ZNF469: variants seen among roughly 807,000 people sequenced by gnomAD.
The protein encoded by ZNF469 is zinc finger protein 469.
In ZNF469, 1 loss-of-function variant was observed where a neutral mutation model predicts 1.0. That is an observed-to-expected ratio of 1.00 (90% CI 0.35 to 4.73). ZNF469 has a LOEUF of 4.73. Ranked by LOEUF, ZNF469 falls within the 30% of genes most tolerant of loss-of-function variation. The pLI is 0.16. For missense variants in ZNF469, 6,100 were observed against 5,356.3 expected (o/e 1.14, Z -4.33); for synonymous variants, 2,703 against 2,363.4 (o/e 1.14, Z -4.17).
the ZNF469 span, among the ~76,000 whole-genome samples, chr16:88,292,179 T>C: frequency 6.6e-6 from 1 of 151,870 alleles, no homozygotes; most frequent in East Asian, 1.9e-4. Context: ...GGCCCTGGAG[T>C]CACCTGCAGT....
the ZNF469 span, among the ~76,000 whole-genome samples, chr16:88,211,528 G>C: frequency 1.3e-5 from 2 of 151,948 alleles, no homozygotes; most frequent in Non-Finnish European, 2.9e-5. Flanking sequence ...ACATGGTATA[G>C]ACCCTGGGTC....
chr16:88,133,100 C>G, the ZNF469 span, among the ~76,000 whole-genome samples: 1 of 152,222 alleles, frequency 6.6e-6, no homozygotes, highest in Admixed American at 6.5e-5. Flanking sequence ...CGTAGCTTTG[C>G]GGGAGAGCAC....
the ZNF469 span, among the ~76,000 whole-genome samples, chr16:88,170,868 T>TC: frequency 6.6e-6 from 1 of 151,930 alleles, no homozygotes; most frequent in Non-Finnish European, 1.5e-5. This position sits in a 1 kb window ranked among gnomAD's most constrained non-coding sequence, Gnocchi z 4.2. Context: ...TAACTGACTT[T>TC]CCCTCCAACC....
chr16:88,116,811 G>A, the ZNF469 span, among the ~76,000 whole-genome samples: 3 of 152,214 alleles, frequency 2.0e-5, no homozygotes, highest in South Asian at 2.1e-4. Context: ...GCCAGGGCTG[G>A]GGACTGTGGG....
At chr16:88,360,322 G>C in the ZNF469 span, among the ~76,000 whole-genome samples, 1 of 152,164 alleles carries the variant, frequency 6.6e-6, no homozygotes, top group Non-Finnish European at 1.5e-5. Context: ...GCCTGGCCTT[G>C]ACTTTCTTTT....
chr16:88,185,865 A>C, the ZNF469 span, among the ~76,000 whole-genome samples: 175 of 152,052 alleles, frequency 1.2e-3, 3 homozygotes, highest in East Asian at 9.7e-4. Flanking sequence ...TCACACGTGA[A>C]TATAGTATAT....
In ZNF469 at chr16:88,437,326, G is replaced by C; in HGVS notation, c.9856G>C (p.Ala3286Pro). Residue 3286 changes from alanine (A) to proline (P), a missense_variant, in exon 3 of 3, where the codon GCG becomes CCG. Physicochemically the swap from Ala to Pro is conservative, Grantham distance 27 (BLOSUM62 -1). Transcript: ENST00000565624. ...CACCCCCAGCAACCCAGACGGGGCC[G>C]CGACCCCAGACAGCGCCTCTGCCAC... Reference protein sequence around the residue: ...RSTPSNPDGAATPDSASATAL... With the variant: ...RSTPSNPDGAPTPDSASATAL... 6.5e-7 allele frequency: 1 copy of C among 1,546,872 alleles called. No homozygotes were observed.
In ZNF469 at chr16:88,439,573, C is replaced by T; in HGVS notation, c.*241C>T. 1.8e-6 allele frequency: 1 copy of T among 562,420 alleles called. No individual in the cohort carries two copies. Among genetic ancestry groups the T allele is most frequent in the Non-Finnish European group, 3.2e-6 (1 of 314,494 alleles). The allele number at this position is 562,420 out of a possible 1,614,324, so 34.8% of individuals were successfully genotyped here. ...GGGGCCACTGCAGCCCTTTTGAGAC[C>T]ACACAGCTGTTTTCTTGGTACCAAG... On this transcript the variant is annotated 3_prime_UTR_variant, in exon 3 of 3. Transcript: ENST00000565624.
the ZNF469 span, among the ~76,000 whole-genome samples, chr16:88,190,319 G>C: frequency 1.3e-5 from 2 of 152,266 alleles, no homozygotes; most frequent in African/African-American, 2.4e-5. Context: ...CTTGGCACTT[G>C]CCTGGGTAGT....
At chr16:88,381,241 C>T (rs2092523717), upstream of ZNF469, among the ~76,000 whole-genome samples, 1 of 150,526 alleles carries the variant, frequency 6.6e-6, no homozygotes, top group South Asian at 2.1e-4. Context: ...CACGCACTCA[C>T]AGACATGCAC....
At chr16:88,201,516 CT>C in the ZNF469 span, among the ~76,000 whole-genome samples, 4 of 152,016 alleles carry the variant, frequency 2.6e-5, no homozygotes, top group East Asian at 7.7e-4. The surrounding 1 kb of genome is among the most constrained non-coding windows in gnomAD (Gnocchi z 5.0). Flanking sequence ...GATTGTGCCA[CT>C]GCACTCCAGC....
chr16:88,405,132 G>A (rs1904991642), intron 1 of ZNF469, among the ~76,000 whole-genome samples: 1 of 152,128 alleles, frequency 6.6e-6, no homozygotes, highest in South Asian at 2.1e-4. Context: ...GAGATTGGTG[G>A]TGGACAGGCA....
the ZNF469 span, among the ~76,000 whole-genome samples, chr16:88,240,885 C>G: frequency 6.6e-6 from 1 of 152,170 alleles, no homozygotes; most frequent in African/African-American, 2.4e-5. Flanking sequence ...GCCTGCACCG[C>G]CAGCCCTCTC....
At chr16:88,246,087 GC>G in the ZNF469 span, among the ~76,000 whole-genome samples, 2 of 152,270 alleles carry the variant, frequency 1.3e-5, no homozygotes, top group African/African-American at 4.8e-5. Flanking sequence ...ATCAGCTCTG[GC>G]CCCAAGCCCC....
rs773264104 is a variant in ZNF469, at chr16:88,437,648, G to A, written c.10178G>A (p.Arg3393Gln). The A allele has an allele frequency of 7.1e-6, 11 of 1,544,314 alleles. No homozygotes were observed. Among genetic ancestry groups the A allele is most frequent in the South Asian group, 6.0e-5 (5 of 83,846 alleles). ...HLGGAHGLLE[R>Q]PELQHTPLYA... is the part of the protein sequence containing the mutation. ...GGCGGGGCGCACGGGCTGCTGGAGCGGCCGGAGCTGCAGCACACGCCGCTG... is the reference window on the plus strand; with the variant it reads ...GGCGGGGCGCACGGGCTGCTGGAGCAGCCGGAGCTGCAGCACACGCCGCTG... Residue 3393 changes from arginine to glutamine, a missense_variant, in exon 3 of 3, where the codon CGG (arginine) becomes CAG (glutamine). Physicochemically the swap from Arg to Gln is conservative, Grantham distance 43 (BLOSUM62 1). Coordinates refer to ENST00000565624, the MANE Select transcript of ZNF469 (RefSeq NM_001367624.2).
the ZNF469 span, among the ~76,000 whole-genome samples, chr16:88,338,438 G>T: frequency 4.6e-5 from 7 of 152,332 alleles, 1 homozygote; most frequent in African/African-American, 1.7e-4. Context: ...GATGAGGAGA[G>T]GTGGCCTCGG....
At chr16:88,120,946 G>C in the ZNF469 span, among the ~76,000 whole-genome samples, 1 of 152,130 alleles carries the variant, frequency 6.6e-6, no homozygotes, top group East Asian at 1.9e-4. Context: ...TTTCTTGGCC[G>C]CAGGCGTTGG....
At chr16:88,153,770 C>A in the ZNF469 span, among the ~76,000 whole-genome samples, 36 of 152,194 alleles carry the variant, frequency 2.4e-4, no homozygotes, top group Non-Finnish European at 4.3e-4. Context: ...CCATGGCCTG[C>A]GGATGGCGTC....
chr16:88,325,775 C>G, the ZNF469 span, among the ~76,000 whole-genome samples: 1 of 152,202 alleles, frequency 6.6e-6, no homozygotes, highest in Non-Finnish European at 1.5e-5. Context: ...TGACGGCTAC[C>G]CTGGTCCTTC....
Sources: gnomAD v4.1 joint callset for allele counts (sites outside exome capture counted in the v4.1 genomes callset) on GRCh38, gnomAD v4.1.1 for gene constraint, Gnocchi (gnomAD v3.1) non-coding constraint, MANE v1.5 for transcripts, NCBI Gene and HGNC (gene_info 2026-07-23, HGNC 2026-07-21) for gene names.